LARP1B: variants seen among roughly 807,000 people sequenced by gnomAD.
LARP1B encodes the protein La ribonucleoprotein 1B.
In LARP1B, 76 loss-of-function variants were observed where a neutral mutation model predicts 114.2. The observed-to-expected ratio is 0.67, with a 90% CI of 0.55 to 0.81. LARP1B has a LOEUF of 0.81. Among genes scored for constraint, LARP1B ranks in the 30% least tolerant of loss-of-function variants. The pLI, the probability that LARP1B is intolerant of heterozygous loss-of-function variation, is 0.00. For missense variants in LARP1B, 1,014 were observed against 1,075.8 expected (o/e 0.94, Z 0.80); for synonymous variants, 345 against 348.0 (o/e 0.99, Z 0.10).
chr4:128,173,172 G>A (rs984954063), intron 12 of LARP1B, among the ~76,000 whole-genome samples: 2 of 152,040 alleles, frequency 1.3e-5, no homozygotes, highest in Admixed American at 6.6e-5. Context: ...CTATCTGACC[G>A]CTATAGTTCA....
chr4:128,071,954 G>C (rs1408986328), intron 1 of LARP1B, among the ~76,000 whole-genome samples: 1 of 151,696 alleles, frequency 6.6e-6, no homozygotes, highest in Non-Finnish European at 1.5e-5. Context: ...TTATTTCCTT[G>C]TAGGTCCCAG....
chr4:128,077,734 T>A, intron 3 of LARP1B, 54 bp from the exon 4 acceptor site: 1 of 1,450,172 alleles, frequency 6.9e-7, no homozygotes, highest in Non-Finnish European at 9.1e-7. Context: ...AATTTTTGGG[T>A]ATGTTAGTGA....
chr4:128,115,962 A>G (rs1388664544), intron 10 of LARP1B, among the ~76,000 whole-genome samples: 8 of 152,252 alleles, frequency 5.3e-5, no homozygotes, highest in Non-Finnish European at 1.2e-4. Context: ...GCCTGGCCAG[A>G]AAATGTATAA....
At position 128,140,961 on chromosome 4, in the gene LARP1B, A is replaced by C. The variant is rs530119011; in HGVS notation, c.1524+18773A>C. ...CTCCCAAGTAGCTGGGATTACAGGC[A>C]TGCACCACCATGCCTGGCTAATTTT... is the stretch of plus-strand genomic sequence containing the variant. On this transcript the variant is annotated intron_variant, in intron 11 of 19. Coordinates refer to ENST00000326639, the MANE Select transcript of LARP1B (RefSeq NM_018078.4). Among the ~76,000 whole-genome samples, 4 of 152,014 alleles carry C rather than the reference A, an allele frequency of 2.6e-5. No homozygotes were observed. The East Asian group carries it at 7.8e-4, about 30-fold the overall frequency.
chr4:128,064,307 A>G (rs1761596024), intron 1 of LARP1B, among the ~76,000 whole-genome samples: 1 of 146,100 alleles, frequency 6.8e-6, no homozygotes, highest in Non-Finnish European at 1.5e-5. Flanking sequence ...TGATTGTTAC[A>G]AGCACCCATT....
intron 11 of LARP1B, chr4:128,122,905 G>A (rs1788457840): frequency 1.0e-6 from 1 of 990,910 alleles, no homozygotes; most frequent in African/African-American, 1.7e-5. Flanking sequence ...TACAGATATG[G>A]GGATAAAAGG....
At chr4:128,161,356 A>G (rs1457549656) in intron 11 of LARP1B, among the ~76,000 whole-genome samples, 1 of 152,202 alleles carries the variant, frequency 6.6e-6, no homozygotes, top group Non-Finnish European at 1.5e-5. Context: ...ATGCAATAGT[A>G]GTTACAAAGG....
downstream of LARP1B, among the ~76,000 whole-genome samples, chr4:128,213,966 C>T (rs1759314272): frequency 6.6e-6 from 1 of 151,738 alleles, no homozygotes; most frequent in Non-Finnish European, 1.5e-5. Flanking sequence ...CGAGCCGAAG[C>T]AGGGCGAGGC....
At chr4:128,199,823 TGCCA>T (rs2150884353) in intron 16 of LARP1B, among the ~76,000 whole-genome samples, 1 of 152,330 alleles carries the variant, frequency 6.6e-6, no homozygotes, top group South Asian at 2.1e-4. Flanking sequence ...TGGTGGCTCA[TGCCA>T]GTAATCTCAG....
Position 128,176,949 on chromosome 4 carries a change from T to G in LARP1B, c.1684+42T>G, listed in dbSNP as rs755630937. 1.4e-5 allele frequency: 21 copies of G among 1,555,232 alleles called. No individual in the cohort carries two copies. The Middle Eastern group carries it at 1.5e-3, about 112-fold the overall frequency. ...GTATTAAAGGGAGGCTATGATATCC[T>G]TTGCATTGGGTATACAAAAGATGCA... On this transcript the variant is annotated intron_variant, in intron 13 of 19. Coordinates refer to ENST00000326639, the MANE Select transcript of LARP1B (RefSeq NM_018078.4).
intron 9 of LARP1B, among the ~76,000 whole-genome samples, chr4:128,110,493 C>A (rs985767124): frequency 6.7e-6 from 1 of 148,946 alleles, no homozygotes; most frequent in Non-Finnish European, 1.5e-5. Context: ...CTAAAAAAAA[C>A]GGTGAAACCC....
chr4:128,166,948 C>CTG (rs1561470121), intron 12 of LARP1B, among the ~76,000 whole-genome samples: 10 of 108,424 alleles, frequency 9.2e-5, no homozygotes, highest in Non-Finnish European at 1.7e-4. Flanking sequence ...CTCTCTCTCT[C>CTG]TCTCTCTCTC....
rs1449281295 is a variant in LARP1B, at chr4:128,065,297, CTTTCTTTCTTTCTTTCTT to C, written c.-78+3898_-78+3915del. 3.1e-3 allele frequency among the ~76,000 whole-genome samples: 411 copies of C among 133,914 alleles called. 5 individuals carry two copies. The highest frequency in any genetic ancestry group is 8.3e-3 in the African/African-American group (288 of 34,496). 87.9% of individuals were successfully genotyped at this position (133,914 alleles called of 152,430 possible). A position where few individuals can be genotyped will look rare whatever the true frequency, so the allele number is the denominator to read the frequency against. The stretch of plus-strand genomic sequence containing the variant: ...TCTTTCTTTCTTTCTTTCTTTCTTT[CTTTCTTTCTTTCTTTCTT>C]TCTCTCTCTCTCTCTCTTTCCTTTC... On this transcript the variant is annotated intron_variant, in intron 1 of 19. Coordinates refer to ENST00000326639, the MANE Select transcript of LARP1B (RefSeq NM_018078.4).
At chr4:128,155,687 T>A in intron 11 of LARP1B, 1 of 1,605,802 alleles carries the variant, frequency 6.2e-7, no homozygotes, top group Non-Finnish European at 8.5e-7. Flanking sequence ...TGTGAACAGA[T>A]CAGCCCGGAG....
At chr4:128,199,369 G>T in intron 15 of LARP1B, 70 bp from the exon 16 acceptor site, 1 of 1,257,658 alleles carries the variant, frequency 8.0e-7, no homozygotes. Flanking sequence ...GAAAAAAATA[G>T]TACAAATTGG....
chr4:128,150,835 G>A (rs926640355), intron 11 of LARP1B, among the ~76,000 whole-genome samples: 1 of 152,350 alleles, frequency 6.6e-6, no homozygotes, highest in Admixed American at 6.5e-5. Context: ...ACATGAATGG[G>A]AAGTGAGAAA....
chr4:128,220,455 G>GT, intron 7 of LARP1B: 1 of 448,446 alleles, frequency 2.2e-6, no homozygotes, highest in Non-Finnish European at 2.9e-6. Context: ...GTATGTGTGT[G>GT]TTTTTGAGAC....
At chr4:128,212,772 C>T (rs1268422958), downstream of LARP1B, among the ~76,000 whole-genome samples, 4 of 152,092 alleles carry the variant, frequency 2.6e-5, no homozygotes, top group African/African-American at 7.2e-5. Context: ...TAAGTAAAAA[C>T]GTGTCTCCAT....
chr4:128,065,163 A>C (rs924430784), intron 1 of LARP1B, among the ~76,000 whole-genome samples: 9 of 151,930 alleles, frequency 5.9e-5, no homozygotes, highest in African/African-American at 2.2e-4. Context: ...TCCATTCTGC[A>C]CTGGCAGGAA....
Sources: gnomAD v4.1 joint callset for allele counts (sites outside exome capture counted in the v4.1 genomes callset) on GRCh38, gnomAD v4.1.1 for gene constraint, MANE v1.5 for transcripts, NCBI Gene and HGNC (gene_info 2026-07-23, HGNC 2026-07-21) for gene names.